The following ASNS variants were observed in gnomAD, a reference collection of about 807,000 sequenced individuals.
The protein encoded by ASNS is asparagine synthetase [glutamine-hydrolyzing].
In ASNS, 37 loss-of-function variants were observed where a neutral mutation model predicts 62.6. The observed-to-expected ratio is 0.59, with a 90% CI of 0.45 to 0.78. The LOEUF (loss-of-function observed/expected upper bound fraction) is 0.78, where lower values mean the gene tolerates loss of function less well. Ranked by LOEUF, ASNS falls within the 30% of genes least tolerant of loss-of-function variation. ASNS has a pLI of 0.00. For missense variants in ASNS, 520 were observed against 682.4 expected (o/e 0.76, Z 2.65); for synonymous variants, 207 against 237.9 (o/e 0.87, Z 1.19).
the ASNS span, among the ~76,000 whole-genome samples, chr7:97,897,930 G>T: frequency 6.6e-6 from 1 of 152,134 alleles, no homozygotes; most frequent in Non-Finnish European, 1.5e-5. Flanking sequence ...CCATAAAAAA[G>T]AATGAAATCC....
At chr7:97,909,202 A>G in the ASNS span, among the ~76,000 whole-genome samples, 14 of 152,116 alleles carry the variant, frequency 9.2e-5, no homozygotes, top group Admixed American at 6.5e-4. Flanking sequence ...TTCTTCCTCC[A>G]GCATTGGTAT....
chr7:97,901,492 C>T, the ASNS span, among the ~76,000 whole-genome samples: 1 of 152,222 alleles, frequency 6.6e-6, no homozygotes, highest in African/African-American at 2.4e-5. Flanking sequence ...CATGCCCGAT[C>T]TCAGTCATCT....
At chr7:97,868,007 A>C (rs1161179698) in intron 3 of ASNS, among the ~76,000 whole-genome samples, 2 of 152,228 alleles carry the variant, frequency 1.3e-5, no homozygotes, top group Admixed American at 6.5e-5. Flanking sequence ...TGAACCTTGA[A>C]TGAAATCTGG....
chr7:97,902,439 C>A, the ASNS span, among the ~76,000 whole-genome samples: 1 of 152,156 alleles, frequency 6.6e-6, no homozygotes, highest in Non-Finnish European at 1.5e-5. Flanking sequence ...TGGCCAGACG[C>A]AGTGGCTCAT....
the ASNS span, among the ~76,000 whole-genome samples, chr7:97,920,272 G>A: frequency 6.6e-6 from 1 of 152,140 alleles, no homozygotes; most frequent in Non-Finnish European, 1.5e-5. Context: ...TCAAAGTGCT[G>A]GGATTACAGG....
At chr7:97,923,975 G>A in the ASNS span, among the ~76,000 whole-genome samples, 1 of 152,144 alleles carries the variant, frequency 6.6e-6, no homozygotes, top group Non-Finnish European at 1.5e-5. Context: ...GAGGCCACAA[G>A]AAGAAAAATG....
the ASNS span, among the ~76,000 whole-genome samples, chr7:97,887,497 A>T: frequency 2.0e-5 from 3 of 149,670 alleles, no homozygotes; most frequent in East Asian, 5.8e-4. Flanking sequence ...TGAGTTTTGA[A>T]TTGTGTCTAG....
At chr7:97,876,896 A>G (rs575191817), upstream of ASNS, among the ~76,000 whole-genome samples, 3 of 152,258 alleles carry the variant, frequency 2.0e-5, no homozygotes, top group South Asian at 2.1e-4. Context: ...CTTTAGGTAT[A>G]TGGACCTGGG....
chr7:97,852,179 T>C lies in ASNS; in HGVS notation c.*80A>G. 4.0e-6 allele frequency: 6 copies of C among 1,493,358 alleles called. No homozygotes were observed. The highest frequency in any genetic ancestry group is 5.5e-6 in the Non-Finnish European group (6 of 1,091,396). The allele number at this position is 1,493,358 out of a possible 1,614,324, so 92.5% of individuals were successfully genotyped here. On this transcript the variant is annotated 3_prime_UTR_variant, in exon 13 of 13. Coordinates refer to ENST00000394308, the MANE Select transcript of ASNS (RefSeq NM_001673.5). ...CACACCCAAGTTAGCCTGAGTTGAC[T>C]CTCATTGTTCCCCTATCTACCCACA...
At chr7:97,896,529 A>G in the ASNS span, among the ~76,000 whole-genome samples, 1 of 147,340 alleles carries the variant, frequency 6.8e-6, no homozygotes. Flanking sequence ...CCCGGGAGGA[A>G]GAGCTTGCAG....
chr7:97,882,337 A>G, the ASNS span, among the ~76,000 whole-genome samples: 557 of 152,262 alleles, frequency 3.7e-3, 4 homozygotes, highest in South Asian at 0.022. Flanking sequence ...TCACGAGGTC[A>G]GGAGATCAAG....
At chr7:97,878,973 C>G in the ASNS span, among the ~76,000 whole-genome samples, 1 of 152,022 alleles carries the variant, frequency 6.6e-6, no homozygotes, top group South Asian at 2.1e-4. Context: ...CAGAACAGAG[C>G]CCTCAGAAAT....
intron 8 of ASNS, among the ~76,000 whole-genome samples, chr7:97,855,919 T>TAA (rs1791415064): frequency 6.6e-6 from 1 of 152,202 alleles, no homozygotes; most frequent in Non-Finnish European, 1.5e-5. Flanking sequence ...TATAAGTTAT[T>TAA]AAACTTGCCT....
chr7:97,904,964 A>G, the ASNS span, among the ~76,000 whole-genome samples: 1 of 152,162 alleles, frequency 6.6e-6, no homozygotes, highest in Non-Finnish European at 1.5e-5. Context: ...CCAAGAACAG[A>G]GCACAGTCTC....
At chr7:97,855,608 A>G (rs1791400042) in intron 8 of ASNS, 149 bp from the exon 9 acceptor site, 1 of 509,220 alleles carries the variant, frequency 2.0e-6, no homozygotes, top group African/African-American at 1.9e-5. Context: ...ATGACCTTGT[A>G]TTTATAAGCC....
the ASNS span, chr7:97,898,504 T>G: frequency 1.8e-6 from 1 of 561,244 alleles, no homozygotes; most frequent in South Asian, 1.6e-5. Flanking sequence ...GAAGACATCA[T>G]GGAGAGGATA....
the ASNS span, chr7:97,913,149 G>A: frequency 6.6e-6 from 1 of 152,142 alleles, no homozygotes; most frequent in Admixed American, 6.6e-5. Flanking sequence ...TGAAGGTCAT[G>A]ATCATTGTCA....
the ASNS span, among the ~76,000 whole-genome samples, chr7:97,926,022 T>C: frequency 4.6e-5 from 7 of 151,724 alleles, no homozygotes; most frequent in East Asian, 1.2e-3. Flanking sequence ...ACTTCTGATA[T>C]TGGCAGGAAA....
the ASNS span, among the ~76,000 whole-genome samples, chr7:97,902,353 T>C: frequency 3.9e-5 from 6 of 152,176 alleles, no homozygotes; most frequent in African/African-American, 1.4e-4. Flanking sequence ...TTCTAAATGC[T>C]TTATTGAATT....
Sources: gnomAD v4.1 joint callset for allele counts (sites outside exome capture counted in the v4.1 genomes callset) on GRCh38, gnomAD v4.1.1 for gene constraint, MANE v1.5 for transcripts, NCBI Gene and HGNC (gene_info 2026-07-23, HGNC 2026-07-21) for gene names.